Variants in EDARADD observed in about 807,000 individuals in gnomAD.
EDARADD encodes EDAR associated via death domain, also known as ectodysplasin-A receptor-associated adapter protein.
EDARADD carries 20 observed loss-of-function variants against 25.6 expected under a neutral mutation model. The observed-to-expected ratio is 0.78, with a 90% confidence interval of 0.55 to 1.14. EDARADD has a LOEUF of 1.14. Among genes scored for constraint, EDARADD ranks in the 50% most tolerant of loss-of-function variants. The probability of loss-of-function intolerance (pLI) is 0.00; values close to 1 mark genes in which losing one functional copy is unlikely to be tolerated. For synonymous variants in EDARADD, 86 were observed against 94.4 expected (o/e 0.91, Z 0.52); for missense variants, 225 against 270.1 (o/e 0.83, Z 1.17).
chr1:236,450,989 C>A (rs16833696), intron 4 of EDARADD, among the ~76,000 whole-genome samples: 11,954 of 152,108 alleles, frequency 0.079, 911 homozygotes, highest in African/African-American at 0.19. Context: ...TGACTCTACC[C>A]TCTGGATTCT....
At chr1:236,455,876 G>A (rs1658846674) in intron 4 of EDARADD, among the ~76,000 whole-genome samples, 1 of 152,140 alleles carries the variant, frequency 6.6e-6, no homozygotes, top group Non-Finnish European at 1.5e-5. Flanking sequence ...TGCAACCTCT[G>A]CCTCCCGGGT....
chr1:236,437,695 G>A (rs1324888190), intron 4 of EDARADD, among the ~76,000 whole-genome samples: 1 of 151,690 alleles, frequency 6.6e-6, no homozygotes, highest in Non-Finnish European at 1.5e-5. Context: ...CATAGCTCTG[G>A]AGGCTACAAC....
In EDARADD at chr1:236,409,255, G is replaced by A. The variant is rs374625285; in HGVS notation, c.101G>A (p.Ser34Asn). ...VKEPVEDTDPSTLSFNMSDKY... is the reference protein window; with the variant it reads ...VKEPVEDTDPNTLSFNMSDKY... ...GAACCAGTGGAAGACACAGACCCTA[G>A]CACTTTATCCTTTAATATGGTAGGT... is the stretch of plus-strand genomic sequence containing the variant. The change falls in exon 2 of 6, where the codon AGC (serine) becomes AAC (asparagine). Residue 34 changes from serine to asparagine, a missense_variant. Physicochemically the swap from Ser to Asn is conservative, Grantham distance 46 (BLOSUM62 1). Transcript: ENST00000334232. The A allele has an allele frequency of 5.0e-6, 8 of 1,612,906 alleles. No individual in the cohort carries two copies. The highest frequency in any genetic ancestry group is 1.1e-5 in the South Asian group (1 of 90,994).
chr1:236,466,299 G>A (rs1659184564), intron 4 of EDARADD, among the ~76,000 whole-genome samples: 1 of 152,154 alleles, frequency 6.6e-6, no homozygotes, highest in African/African-American at 2.4e-5. Flanking sequence ...AAGTCATGGG[G>A]CTTCTGGGGT....
At chr1:236,412,061 A>G (rs1044358841) in intron 2 of EDARADD, among the ~76,000 whole-genome samples, 3 of 152,194 alleles carry the variant, frequency 2.0e-5, no homozygotes, top group African/African-American at 7.2e-5. Flanking sequence ...ACCCCTTGAC[A>G]TGGGAGATGA....
intron 4 of EDARADD, among the ~76,000 whole-genome samples, chr1:236,457,906 G>A (rs538545947): frequency 6.6e-5 from 10 of 152,148 alleles, no homozygotes; most frequent in South Asian, 2.1e-4. Flanking sequence ...CAAGAAGAGC[G>A]GGAGAGAAGT....
intron 3 of EDARADD, among the ~76,000 whole-genome samples, chr1:236,360,714 T>G (rs1283039914): frequency 6.6e-6 from 1 of 151,758 alleles, no homozygotes; most frequent in East Asian, 1.9e-4. Context: ...CCCAGCTAAT[T>G]TTTGTATTTT....
Position 236,467,443 on chromosome 1 carries a change from C to CACAT in EDARADD, c.220-785_220-784insTACA, listed in dbSNP as rs983340681. ...ACACACGCGCACACACACACACACA[C>CACAT]ACACACACACACATACACACACCTG... On this transcript the variant is annotated intron_variant, in intron 4 of 5. Coordinates refer to ENST00000334232, the MANE Select transcript of EDARADD (RefSeq NM_145861.4). 6.6e-5 allele frequency among the ~76,000 whole-genome samples: 10 copies of CACAT among 151,458 alleles called. No individual in the cohort carries two copies. The East Asian group carries it at 1.4e-3, about 21-fold the overall frequency.
chr1:236,391,264 A>C (rs1418008084), upstream of EDARADD, among the ~76,000 whole-genome samples: 1 of 152,104 alleles, frequency 6.6e-6, no homozygotes, highest in Non-Finnish European at 1.5e-5. Flanking sequence ...TGTCGCCACC[A>C]CCTAATTGCT....
chr1:236,451,251 G>A (rs1159542192), intron 4 of EDARADD, among the ~76,000 whole-genome samples: 1 of 152,162 alleles, frequency 6.6e-6, no homozygotes, highest in African/African-American at 2.4e-5. Context: ...TGTGTCACCT[G>A]GAGCTGGTTC....
At chr1:236,352,622 T>C (rs12144427) in intron 3 of EDARADD, among the ~76,000 whole-genome samples, 52,515 of 151,740 alleles carry the variant, frequency 0.35, 9,332 homozygotes, top group African/African-American at 0.43. Flanking sequence ...CCAAGGCGGG[T>C]GGATCACTCG....
rs181919996 is a variant in EDARADD, at chr1:236,415,444, T to A, written c.160+1145T>A. Among the ~76,000 whole-genome samples, 692 of 152,186 alleles carry A rather than the reference T, an allele frequency of 4.5e-3. 6 individuals are homozygous for A. Among genetic ancestry groups the A allele is most frequent in the African/African-American group, 0.016 (669 of 41,520 alleles). ...GTGGTCAGCAGGGCTATGTTCCTTT[T>A]TTATTATTATTATTTTTTGAGACAG... On this transcript the variant is annotated intron_variant, in intron 3 of 5. Coordinates refer to ENST00000334232, the MANE Select transcript of EDARADD (RefSeq NM_145861.4).
intron 1 of EDARADD, among the ~76,000 whole-genome samples, chr1:236,402,656 C>A (rs1297710765): frequency 6.6e-6 from 1 of 152,152 alleles, no homozygotes; most frequent in Non-Finnish European, 1.5e-5. Flanking sequence ...AAGCAATCCT[C>A]CCACCTTGGC....
At chr1:236,405,151 G>A (rs919267396) in intron 1 of EDARADD, among the ~76,000 whole-genome samples, 17 of 152,084 alleles carry the variant, frequency 1.1e-4, no homozygotes, top group Non-Finnish European at 2.9e-5. Context: ...TCTAACACCT[G>A]TTCTAAAAGT....
chr1:236,395,270 G>C lies in EDARADD; in HGVS notation c.61+765G>C. 1.1e-6 allele frequency: 1 copy of C among 950,380 alleles called. No individual in the cohort carries two copies. The highest frequency in any genetic ancestry group is 6.7e-5 in the East Asian group (1 of 14,928). The allele number at this position is 950,380 out of a possible 1,614,324, so 58.9% of individuals were successfully genotyped here. ...ACCCGCCCAGGGGGACGTGGGTACC[G>C]GGCAGGACGCGCGCTCTGGGCGCTG... On this transcript the variant is annotated intron_variant, in intron 1 of 5. Transcript: ENST00000334232. This position sits in a 1 kb window ranked among gnomAD's most constrained non-coding sequence, Gnocchi z 6.9.
intron 3 of EDARADD, among the ~76,000 whole-genome samples, chr1:236,378,804 T>C (rs1667256812): frequency 6.6e-6 from 1 of 152,208 alleles, no homozygotes; most frequent in African/African-American, 2.4e-5. Flanking sequence ...GTATTTATAC[T>C]TCAGCTAAAA....
intron 3 of EDARADD, among the ~76,000 whole-genome samples, chr1:236,384,885 T>G (rs924428427): frequency 1.3e-5 from 2 of 152,106 alleles, no homozygotes; most frequent in African/African-American, 4.8e-5. Flanking sequence ...TTATATTGAA[T>G]TATTTTTATT....
At chr1:236,443,817 G>C (rs1029709530) in intron 4 of EDARADD, among the ~76,000 whole-genome samples, 2 of 152,186 alleles carry the variant, frequency 1.3e-5, no homozygotes, top group Non-Finnish European at 2.9e-5. Flanking sequence ...GCACGAAGCA[G>C]GGGCAGGGCT....
At chr1:236,466,049 G>C (rs1406909142) in intron 4 of EDARADD, among the ~76,000 whole-genome samples, 1 of 152,150 alleles carries the variant, frequency 6.6e-6, no homozygotes, top group Non-Finnish European at 1.5e-5. Context: ...CTTAGAGTCA[G>C]GTTCATGTTT....
Sources: allele counts gnomAD v4.1 joint callset (sites outside exome capture counted in the v4.1 genomes callset), GRCh38; gene constraint gnomAD v4.1.1; non-coding constraint Gnocchi (gnomAD v3.1); transcripts MANE v1.5; gene names NCBI Gene and HGNC (gene_info 2026-07-23, HGNC 2026-07-21).